SLC7A14: variants seen among roughly 807,000 people sequenced by gnomAD.
The protein encoded by SLC7A14 is solute carrier family 7 member 14.
Under a neutral mutation model 60.2 loss-of-function variants are expected in SLC7A14, and 37 were observed. The observed-to-expected ratio is 0.61, with a 90% CI of 0.47 to 0.81. The LOEUF (loss-of-function observed/expected upper bound fraction) is 0.81, where lower values mean the gene tolerates loss of function less well. Ranked by LOEUF, SLC7A14 falls within the 30% of genes least tolerant of loss-of-function variation. The pLI is 0.00. For synonymous variants in SLC7A14, 399 were observed against 395.8 expected (o/e 1.01, Z -0.10); for missense variants, 886 against 982.7 (o/e 0.90, Z 1.32).
chr3:170,492,483 C>T (rs756885440), intron 4 of SLC7A14, among the ~76,000 whole-genome samples: 49 of 152,050 alleles, frequency 3.2e-4, no homozygotes, highest in East Asian at 5.8e-4. Flanking sequence ...CCAGCCTGGG[C>T]GACAGAGTGA....
Position 170,498,864 on chromosome 3 carries a change from G to A in SLC7A14, c.562C>T (p.Pro188Ser), listed in dbSNP as rs1197461123. ...NGLGKGEESY[P>S]DLLALLIAVI... The stretch of plus-strand genomic sequence containing the variant: ...GCGATCAACAGAGCCAGAAGGTCTG[G>A]GTATGATTCTTCACCTTTCCCTAGA... Residue 188 changes from proline (P) to serine (S), a missense_variant, in exon 4 of 8, where the codon CCA becomes TCA. Coordinates refer to ENST00000231706, the MANE Select transcript of SLC7A14 (RefSeq NM_020949.3). 1 of 1,613,946 alleles carries A rather than the reference G, an allele frequency of 6.2e-7. No individual in the cohort carries two copies. Among genetic ancestry groups the A allele is most frequent in the African/African-American group, 1.3e-5 (1 of 74,876 alleles).
chr3:170,520,255 C>T (rs989248471), intron 2 of SLC7A14, among the ~76,000 whole-genome samples: 4 of 152,188 alleles, frequency 2.6e-5, no homozygotes, highest in African/African-American at 9.6e-5. Context: ...GTAAGTGTAA[C>T]ACCACTTGTC....
intron 2 of SLC7A14, among the ~76,000 whole-genome samples, chr3:170,520,063 G>T (rs1354277795): frequency 6.6e-6 from 1 of 152,218 alleles, no homozygotes. Context: ...GTGTTTTGTT[G>T]TCTGCAATTG....
intron 1 of SLC7A14, among the ~76,000 whole-genome samples, chr3:170,567,555 C>G (rs1714829459): frequency 1.3e-5 from 2 of 151,520 alleles, no homozygotes; most frequent in South Asian, 4.2e-4. Context: ...AATGGTATTT[C>G]TAGTTCTAGA....
chr3:170,533,120 C>T (rs981754417), intron 1 of SLC7A14, among the ~76,000 whole-genome samples: 2 of 152,184 alleles, frequency 1.3e-5, no homozygotes, highest in Non-Finnish European at 2.9e-5. Flanking sequence ...CTCTGGCTCA[C>T]TCAGCTAGCA....
intron 1 of SLC7A14, among the ~76,000 whole-genome samples, chr3:170,546,772 C>G (rs1714192214): frequency 6.6e-6 from 1 of 152,086 alleles, no homozygotes; most frequent in Non-Finnish European, 1.5e-5. Context: ...ATCAGTCTTT[C>G]ACGTCTCCAG....
chr3:170,473,052 G>T (rs1711505748), intron 7 of SLC7A14, among the ~76,000 whole-genome samples: 2 of 152,182 alleles, frequency 1.3e-5, no homozygotes, highest in South Asian at 2.1e-4. Flanking sequence ...ATAGCATTGG[G>T]ACTCATATCT....
At chr3:170,575,306 A>G (rs1014724436) in intron 1 of SLC7A14, among the ~76,000 whole-genome samples, 3 of 152,178 alleles carry the variant, frequency 2.0e-5, no homozygotes, top group Non-Finnish European at 4.4e-5. Context: ...TTACAGAACC[A>G]CCAGAGATTA....
chr3:170,567,584 A>G (rs1308587534), intron 1 of SLC7A14, among the ~76,000 whole-genome samples: 1 of 150,604 alleles, frequency 6.6e-6, no homozygotes, highest in Non-Finnish European at 1.5e-5. Context: ...GAATCGCCAC[A>G]CTGACTTCCA....
chr3:170,487,535 C>T (rs765181045), intron 4 of SLC7A14, among the ~76,000 whole-genome samples: 4 of 152,082 alleles, frequency 2.6e-5, no homozygotes, highest in Admixed American at 6.5e-5. Flanking sequence ...GAAATCAAAA[C>T]GTGTGCCAAG....
At chr3:170,549,709 G>T (rs1379378893) in intron 1 of SLC7A14, among the ~76,000 whole-genome samples, 1 of 152,176 alleles carries the variant, frequency 6.6e-6, no homozygotes, top group Non-Finnish European at 1.5e-5. Context: ...CACGAAGATT[G>T]CATCCTTTGA....
intron 4 of SLC7A14, among the ~76,000 whole-genome samples, chr3:170,498,315 T>C (rs2108278799): frequency 6.6e-6 from 1 of 152,320 alleles, no homozygotes; most frequent in South Asian, 2.1e-4. Context: ...TTTTCATCTT[T>C]AAGAGCAGAA....
intron 3 of SLC7A14, among the ~76,000 whole-genome samples, chr3:170,500,150 A>G (rs16855159): frequency 0.16 from 24,120 of 152,124 alleles, 1,923 homozygotes; most frequent in Admixed American, 0.2. Context: ...TCAGGCATCA[A>G]GATGGAGAGT....
At chr3:170,546,836 T>A (rs1401363479) in intron 1 of SLC7A14, among the ~76,000 whole-genome samples, 1 of 152,196 alleles carries the variant, frequency 6.6e-6, no homozygotes, top group African/African-American at 2.4e-5. Flanking sequence ...TGGTGAGAGC[T>A]GTGGCACCGT....
At chr3:170,525,156 C>T (rs2108292843) in intron 2 of SLC7A14, among the ~76,000 whole-genome samples, 1 of 152,260 alleles carries the variant, frequency 6.6e-6, no homozygotes, top group African/African-American at 2.4e-5. Flanking sequence ...ATGGGTTGGC[C>T]CACATGATCT....
At chr3:170,528,669 G>A (rs1426144403) in intron 1 of SLC7A14, among the ~76,000 whole-genome samples, 5 of 152,170 alleles carry the variant, frequency 3.3e-5, no homozygotes, top group Non-Finnish European at 4.4e-5. Context: ...GCTTCGTGCT[G>A]TGTTTTTATT....
At chr3:170,534,838 T>A (rs561215415) in intron 1 of SLC7A14, among the ~76,000 whole-genome samples, 2 of 152,226 alleles carry the variant, frequency 1.3e-5, no homozygotes, top group Non-Finnish European at 2.9e-5. Context: ...ATATTTCTAC[T>A]GACACAAATA....
intron 1 of SLC7A14, among the ~76,000 whole-genome samples, chr3:170,544,041 C>T (rs1714097685): frequency 1.3e-5 from 2 of 152,086 alleles, no homozygotes; most frequent in African/African-American, 4.8e-5. Context: ...AGCCACCACA[C>T]CCGGGCCTGC....
At chr3:170,567,705 G>C (rs376422960) in intron 1 of SLC7A14, among the ~76,000 whole-genome samples, 7 of 151,748 alleles carry the variant, frequency 4.6e-5, no homozygotes, top group South Asian at 2.1e-4. Flanking sequence ...GCCATTCTAA[G>C]TGGTGTGAGA....
Sources: allele counts gnomAD v4.1 joint callset (sites outside exome capture counted in the v4.1 genomes callset), GRCh38; gene constraint gnomAD v4.1.1; transcripts MANE v1.5; gene names NCBI Gene and HGNC (gene_info 2026-07-23, HGNC 2026-07-21).